RTF1: variants seen among roughly 807,000 people sequenced by gnomAD.
RTF1 encodes the protein RTF1 homolog, Paf1/RNA polymerase II complex component.
RTF1 carries 10 observed loss-of-function variants against 95.7 expected under a neutral mutation model. The observed-to-expected ratio is 0.10, with a 90% CI of 0.06 to 0.18. RTF1 has a LOEUF of 0.18. Ranked by LOEUF, RTF1 falls within the 10% of genes least tolerant of loss-of-function variation. RTF1 has a pLI of 1.00. For missense variants in RTF1, 458 were observed against 875.6 expected, an observed-to-expected ratio of 0.52 and a Z score of 6.02; for synonymous variants, 305 against 311.8, an observed-to-expected ratio of 0.98 and a Z score of 0.23.
chr15:41,446,051 C>A (rs1220632318), intron 2 of RTF1, among the ~76,000 whole-genome samples: 1 of 152,076 alleles, frequency 6.6e-6, no homozygotes, highest in African/African-American at 2.4e-5. Flanking sequence ...TCCTCTGACT[C>A]TTTTTTTATT....
Position 41,463,349 on chromosome 15 carries a change from A to T in RTF1, c.663-1422A>T, listed in dbSNP as rs553756752. 2.0e-5 allele frequency among the ~76,000 whole-genome samples: 3 copies of T among 152,322 alleles called. No individual in the cohort carries two copies. In the East Asian group the frequency reaches 5.8e-4, roughly 29 times the overall value. ...TTTTGAGTGTATACTGGAAAGTAGA[A>T]TTGCTGGCTGGTACGGTAACTCTTT... On this transcript the variant is annotated intron_variant, in intron 4 of 17. Transcript: ENST00000389629.
rs1289560800 is a variant in RTF1 at position 41,417,175 on chromosome 15, A to G, written c.60A>G (p.Pro20=). The change falls in exon 1 of 18, where the codon CCA becomes CCG. Residue 20 remains proline, a synonymous_variant. Transcript: ENST00000389629. ...AAAAAAAVAV[P]LAGGQEGSPG... ...CGGCGGCGGCGGCAGTGGCGGTCCCACTGGCAGGCGGGCAAGAGGGGAGTC... is the reference window on the plus strand; with the variant it reads ...CGGCGGCGGCGGCAGTGGCGGTCCCGCTGGCAGGCGGGCAAGAGGGGAGTC... 4.0e-6 allele frequency: 5 copies of G among 1,263,978 alleles called. No individual in the cohort carries two copies. Among genetic ancestry groups the G allele is most frequent in the East Asian group, 3.1e-5 (1 of 32,094 alleles). The allele number at this position is 1,263,978 out of a possible 1,614,324, so 78.3% of individuals were successfully genotyped here.
At chr15:41,467,654 G>T (rs2050887309) in intron 6 of RTF1, among the ~76,000 whole-genome samples, 1 of 152,116 alleles carries the variant, frequency 6.6e-6, no homozygotes, top group Non-Finnish European at 1.5e-5. Flanking sequence ...GACGGAGGTT[G>T]CAGTGAGCTG....
At chr15:41,466,301 T>C (rs908362712) in intron 6 of RTF1, 49 bp downstream of exon 6, 3 of 1,243,536 alleles carry the variant, frequency 2.4e-6, no homozygotes, top group African/African-American at 3.1e-5. Flanking sequence ...ATGATTTGAC[T>C]TCCTGGTGTC....
intron 2 of RTF1, 104 bp downstream of exon 2, chr15:41,438,535 A>C (rs1432481146): frequency 1.5e-6 from 1 of 646,900 alleles, no homozygotes; most frequent in Non-Finnish European, 2.6e-6. Context: ...CTTACAGCCT[A>C]AGATCTACAA....
At chr15:41,427,503 C>T (rs2050641769) in intron 1 of RTF1, among the ~76,000 whole-genome samples, 1 of 152,038 alleles carries the variant, frequency 6.6e-6, no homozygotes, top group African/African-American at 2.4e-5. Context: ...CCTGTGGTCC[C>T]AGCTATTCAT....
intron 8 of RTF1, among the ~76,000 whole-genome samples, chr15:41,472,768 C>G (rs2050919966): frequency 6.6e-6 from 1 of 151,070 alleles, no homozygotes; most frequent in African/African-American, 2.4e-5. Flanking sequence ...GTGGCACGAT[C>G]TCGGCTCACT....
intron 1 of RTF1, among the ~76,000 whole-genome samples, chr15:41,422,674 A>T (rs2050608347): frequency 6.6e-6 from 1 of 152,256 alleles, no homozygotes; most frequent in Admixed American, 6.5e-5. Context: ...TTTCTTATTT[A>T]AAATGGAGAT....
intron 8 of RTF1, among the ~76,000 whole-genome samples, chr15:41,473,906 A>G (rs538948604): frequency 2.6e-5 from 4 of 152,182 alleles, no homozygotes; most frequent in Admixed American, 6.5e-5. Context: ...GCGTGGTGGC[A>G]TGTGCCTGTA....
intron 3 of RTF1, among the ~76,000 whole-genome samples, chr15:41,455,779 A>G (rs74331552): frequency 1.4e-5 from 2 of 147,262 alleles, no homozygotes; most frequent in Non-Finnish European, 3.0e-5. Context: ...TCTGTCTCCA[A>G]AAAAAAAAAA....
At chr15:41,468,800 C>T (rs896395497) in intron 6 of RTF1, among the ~76,000 whole-genome samples, 1 of 152,086 alleles carries the variant, frequency 6.6e-6, no homozygotes, top group African/African-American at 2.4e-5. Flanking sequence ...CATAGTGAGA[C>T]CCTGTTTCTG....
chr15:41,434,753 G>C (rs531884112), intron 1 of RTF1, among the ~76,000 whole-genome samples: 117 of 148,972 alleles, frequency 7.9e-4, no homozygotes, highest in African/African-American at 2.7e-3. Flanking sequence ...TCAGCCTCCC[G>C]AGTAGCTGGG....
At chr15:41,468,578 A>G (rs2050893534) in intron 6 of RTF1, among the ~76,000 whole-genome samples, 1 of 152,080 alleles carries the variant, frequency 6.6e-6, no homozygotes, top group Non-Finnish European at 1.5e-5. Flanking sequence ...CGGCCTCCCA[A>G]AGTGCTGGGA....
At chr15:41,429,448 T>TTC (rs532855515) in intron 1 of RTF1, among the ~76,000 whole-genome samples, 4 of 151,348 alleles carry the variant, frequency 2.6e-5, no homozygotes, top group South Asian at 2.1e-4. Context: ...TTTTTTTTTT[T>TTC]TCTCTCTCTC....
chr15:41,450,069 A>C (rs1379944493), intron 2 of RTF1, among the ~76,000 whole-genome samples: 1 of 151,800 alleles, frequency 6.6e-6, no homozygotes, highest in East Asian at 1.9e-4. Context: ...AGTGGCATGC[A>C]CCTGTAATCT....
rs1204639606 is a variant in RTF1, at chr15:41,417,215, C to T, written c.100C>T (p.Arg34Cys). The part of the protein sequence containing the change: ...GQEGSPGGGR[R>C]GSRGTTMVKK... ...AGAGGGGAGTCCGGGCGGCGGCCGG[C>T]GTGGGAGCCGGGGGACCACCATGGT... Residue 34 changes from arginine (R) to cysteine (C), a missense_variant, in exon 1 of 18, where the codon CGT becomes TGT. Arg to Cys is a radical substitution (Grantham distance 180). This residue lies in a region of RTF1 where 81 missense variants were observed against 59.9 expected (regional missense o/e 1.35). Transcript: ENST00000389629. 1.6e-6 allele frequency: 2 copies of T among 1,261,588 alleles called. No individual in the cohort carries two copies. The highest frequency in any genetic ancestry group is 1.5e-5 in the African/African-American group (1 of 64,548). 78.1% of individuals were successfully genotyped at this position (1,261,588 alleles called of 1,614,324 possible). A position where few individuals can be genotyped will look rare whatever the true frequency, so the allele number is the denominator to read the frequency against.
At chr15:41,461,597 A>T (rs954351048) in intron 4 of RTF1, among the ~76,000 whole-genome samples, 12 of 148,374 alleles carry the variant, frequency 8.1e-5, no homozygotes, top group Admixed American at 8.0e-4. Flanking sequence ...GGTTCATGCT[A>T]TTCTGCCTCA....
At chr15:41,439,745 G>A (rs2050723340) in intron 2 of RTF1, among the ~76,000 whole-genome samples, 1 of 152,014 alleles carries the variant, frequency 6.6e-6, no homozygotes, top group South Asian at 2.1e-4. Flanking sequence ...TCTGCCTCTC[G>A]GGTTCAAGCG....
At chr15:41,478,943 CTTTT>C (rs374560005) in intron 15 of RTF1, 156 bp from the exon 16 acceptor site, 3,355 of 499,364 alleles carry the variant, frequency 6.7e-3, no homozygotes, top group South Asian at 8.0e-3. Flanking sequence ...TTGTAATTGC[CTTTT>C]TTTTTTTTTT....
Sources: gnomAD v4.1 joint callset for allele counts (sites outside exome capture counted in the v4.1 genomes callset) on GRCh38, gnomAD v4.1.1 for gene constraint, gnomAD v4.1.1 regional missense constraint, MANE v1.5 for transcripts, NCBI Gene and HGNC (gene_info 2026-07-23, HGNC 2026-07-21) for gene names.